MDGA2: variants seen among roughly 807,000 people sequenced by gnomAD.
MDGA2 encodes the protein MAM domain containing glycosylphosphatidylinositol anchor 2.
In MDGA2, 40 loss-of-function variants were observed where a neutral mutation model predicts 117.8. The ratio of observed to expected loss-of-function variants is 0.34; its 90% CI spans 0.26 to 0.44. The LOEUF is 0.44. Ranked by LOEUF, MDGA2 falls within the 20% of genes least tolerant of loss-of-function variation. The pLI, the probability that MDGA2 is intolerant of heterozygous loss-of-function variation, is 1.00. For synonymous variants in MDGA2, 452 were observed against 439.0 expected, an observed-to-expected ratio of 1.03 and a Z score of -0.37; for missense variants, 1,123 against 1,250.6, an observed-to-expected ratio of 0.90 and a Z score of 1.54.
At chr14:47,064,309 GAAAC>G (rs1745356348) in intron 6 of MDGA2, among the ~76,000 whole-genome samples, 1 of 152,088 alleles carries the variant, frequency 6.6e-6, no homozygotes, top group Middle Eastern at 3.4e-3. Flanking sequence ...GGGAAAAAGA[GAAAC>G]AAGTCTGCTA....
At chr14:47,164,515 T>G (rs534910791) in intron 3 of MDGA2, among the ~76,000 whole-genome samples, 1 of 152,300 alleles carries the variant, frequency 6.6e-6, no homozygotes, top group Admixed American at 6.5e-5. Flanking sequence ...TCATCATCAC[T>G]GGCCATCAGA....
rs115150947 is a variant in MDGA2, at chr14:47,204,800, A to T, written c.595+13221T>A. Among the ~76,000 whole-genome samples, 1,360 of 152,084 alleles carry T rather than the reference A, an allele frequency of 8.9e-3. 30 individuals carry two copies. Among genetic ancestry groups the T allele is most frequent in the African/African-American group, 0.031 (1,304 of 41,538 alleles). ...TGCTAGTTTTCTATTTCTAATGTTG[A>T]GTTCTTCTACTACCAACATTATATA... On this transcript the variant is annotated intron_variant, in intron 3 of 16. Transcript: ENST00000399232.
chr14:47,170,295 A>T (rs1884066571), intron 3 of MDGA2, among the ~76,000 whole-genome samples: 1 of 152,184 alleles, frequency 6.6e-6, no homozygotes. Flanking sequence ...AAATTGTTTG[A>T]AATTTTGAAA....
chr14:47,199,519 G>C (rs75839113), intron 3 of MDGA2, among the ~76,000 whole-genome samples: 3,092 of 152,198 alleles, frequency 0.02, 51 homozygotes, highest in Non-Finnish European at 0.03. Flanking sequence ...GTCAGTGCTA[G>C]AGTGTACCTG....
intron 6 of MDGA2, among the ~76,000 whole-genome samples, chr14:47,085,204 C>G (rs1232504705): frequency 6.6e-6 from 1 of 151,870 alleles, no homozygotes; most frequent in African/African-American, 2.4e-5. Context: ...TGAGGAAAAA[C>G]AGAAAATAAT....
chr14:47,200,840 T>G, intron 3 of MDGA2: 2 of 828,624 alleles, frequency 2.4e-6, no homozygotes, highest in Admixed American at 3.6e-5. Context: ...CACCATCCAT[T>G]TTTTCTTGTC....
At chr14:47,390,396 C>A (rs1891866816) in intron 1 of MDGA2, among the ~76,000 whole-genome samples, 2 of 152,004 alleles carry the variant, frequency 1.3e-5, no homozygotes, top group Admixed American at 1.3e-4. Context: ...AGAGTAGGAG[C>A]CTAACTTTGG....
At chr14:47,096,382 A>G (rs1879967926) in intron 6 of MDGA2, among the ~76,000 whole-genome samples, 2 of 152,016 alleles carry the variant, frequency 1.3e-5, no homozygotes, top group South Asian at 4.1e-4. Context: ...TCACTATCTG[A>G]CAGTGGAATC....
At chr14:47,581,147 A>G (rs1896221780) in intron 1 of MDGA2, among the ~76,000 whole-genome samples, 1 of 152,040 alleles carries the variant, frequency 6.6e-6, no homozygotes, top group African/African-American at 2.4e-5. Flanking sequence ...ATGAACATAC[A>G]GGAAAGAGAA....
chr14:47,286,803 T>TTATATATATATATATATATA (rs34614614), intron 2 of MDGA2, among the ~76,000 whole-genome samples: 1 of 130,038 alleles, frequency 7.7e-6, no homozygotes, highest in African/African-American at 3.2e-5. Flanking sequence ...AGGCATATCA[T>TTATATATATATATATATATA]TATATATATA....
intron 1 of MDGA2, among the ~76,000 whole-genome samples, chr14:47,414,756 G>A (rs79130176): frequency 0.019 from 2,880 of 151,980 alleles, 62 homozygotes; most frequent in East Asian, 0.11. Context: ...TGAGATTTGT[G>A]ATGTTTTCTC....
intron 7 of MDGA2, among the ~76,000 whole-genome samples, chr14:47,036,875 T>C (rs1385875640): frequency 6.6e-6 from 1 of 152,240 alleles, no homozygotes; most frequent in African/African-American, 2.4e-5. Context: ...ATTTAATTCC[T>C]TCACTTATTG....
chr14:47,480,364 T>A (rs1158991807), intron 1 of MDGA2, among the ~76,000 whole-genome samples: 1 of 152,036 alleles, frequency 6.6e-6, no homozygotes, highest in Non-Finnish European at 1.5e-5. Flanking sequence ...GTTCCTAGCA[T>A]GTCTTCTAAG....
chr14:47,294,396 C>A (rs567272998), intron 2 of MDGA2, among the ~76,000 whole-genome samples: 1 of 152,176 alleles, frequency 6.6e-6, no homozygotes, highest in South Asian at 2.1e-4. Flanking sequence ...CTGCACCCAG[C>A]TGATGTGGAA....
intron 14 of MDGA2, among the ~76,000 whole-genome samples, chr14:46,869,574 C>A (rs868747389): frequency 6.6e-6 from 1 of 151,814 alleles, no homozygotes; most frequent in Non-Finnish European, 1.5e-5. Context: ...AAACATTTAA[C>A]TAAAAAGAAA....
intron 8 of MDGA2, among the ~76,000 whole-genome samples, chr14:46,973,667 T>G (rs1158733830): frequency 6.6e-6 from 1 of 152,102 alleles, no homozygotes; most frequent in Non-Finnish European, 1.5e-5. Flanking sequence ...GGCAAAAGAA[T>G]GTTTCAGCTA....
chr14:47,063,135 C>G (rs980597764), intron 6 of MDGA2, among the ~76,000 whole-genome samples: 4 of 151,964 alleles, frequency 2.6e-5, no homozygotes, highest in Non-Finnish European at 5.9e-5. Context: ...AAACCACAGA[C>G]ATATATAGCG....
chr14:46,898,491 T>C (rs1883165702), intron 10 of MDGA2, among the ~76,000 whole-genome samples: 1 of 152,112 alleles, frequency 6.6e-6, no homozygotes. Context: ...TGAGATAGAA[T>C]AGGTTAGAAT....
chr14:47,227,820 G>C lies in MDGA2; in HGVS notation c.421-9625C>G, dbSNP rs187859145. The stretch of plus-strand genomic sequence containing the variant: ...TTATCTCCTTGACTTCTGAACAGTT[G>C]ACTGCCTTAAAGCCTCATCATTTTC... On this transcript the variant is annotated intron_variant, in intron 2 of 16. Coordinates refer to ENST00000399232, the MANE Select transcript of MDGA2 (RefSeq NM_001113498.3). Among the ~76,000 whole-genome samples the C allele has an allele frequency of 3.2e-4, 49 of 152,254 alleles. No homozygotes were observed. In the East Asian group the frequency reaches 4.3e-3, roughly 13 times the overall value.
Sources: gnomAD v4.1 joint callset for allele counts (sites outside exome capture counted in the v4.1 genomes callset) on GRCh38, gnomAD v4.1.1 for gene constraint, MANE v1.5 for transcripts, NCBI Gene and HGNC (gene_info 2026-07-23, HGNC 2026-07-21) for gene names.